Variants in FSIP2 observed in about 807,000 individuals in gnomAD.
The protein encoded by FSIP2 is fibrous sheath interacting protein 2.
FSIP2 carries 367 observed loss-of-function variants against 510.5 expected under a neutral mutation model. The ratio of observed to expected loss-of-function variants is 0.72; its 90% CI spans 0.66 to 0.78. The LOEUF (loss-of-function observed/expected upper bound fraction) is 0.78. Ranked by LOEUF, FSIP2 falls within the 30% of genes least tolerant of loss-of-function variation. The probability of loss-of-function intolerance (pLI) is 0.00; values close to 1 mark genes in which losing one functional copy is unlikely to be tolerated. For missense variants in FSIP2, 7,594 were observed against 7,901.7 expected (o/e 0.96, Z 1.48); for synonymous variants, 2,601 against 2,732.2 (o/e 0.95, Z 1.50).
intron 13 of FSIP2, chr2:185,765,736 G>T (rs1186864082): frequency 6.6e-6 from 1 of 151,938 alleles, no homozygotes; most frequent in African/African-American, 2.4e-5. Context: ...ACCTTGGGCA[G>T]TATGGCCATT....
chr2:185,797,716 A>G, intron 16 of FSIP2, 190 bp downstream of exon 16: 1 of 616,942 alleles, frequency 1.6e-6, no homozygotes, highest in Non-Finnish European at 2.9e-6. Flanking sequence ...ATTTAGAAAT[A>G]GTGTCTCTGT....
In FSIP2 at chr2:185,801,523, G is replaced by A. The variant is rs1447153079; in HGVS notation, c.12217G>A (p.Ala4073Thr). The A allele has an allele frequency of 1.3e-6, 2 of 1,532,990 alleles. No homozygotes were observed. Among genetic ancestry groups the A allele is most frequent in the Admixed American group, 2.0e-5 (1 of 50,834 alleles). The allele number at this position is 1,532,990 out of a possible 1,614,324, so 95.0% of individuals were successfully genotyped here. A position where few individuals can be genotyped will look rare whatever the true frequency, so the allele number is the denominator to read the frequency against. The stretch of plus-strand genomic sequence containing the variant: ...TGGTAATAATCCGGTATACGACAAT[G>A]CCTCAATAGCAGAACAAATAACAAA... ...ACGNNPVYDNASIAEQITNGI... is the reference protein window; with the variant it reads ...ACGNNPVYDNTSIAEQITNGI... The change falls in exon 17 of 23, where the codon GCC (alanine) becomes ACC (threonine). Residue 4073 changes from alanine (A) to threonine (T), a missense_variant. Physicochemically the swap from Ala to Thr is moderately conservative, Grantham distance 58 (BLOSUM62 0). Coordinates refer to ENST00000424728, the MANE Select transcript of FSIP2 (RefSeq NM_173651.4).
At chr2:185,788,366 A>G (rs1693037857) in intron 15 of FSIP2, among the ~76,000 whole-genome samples, 1 of 151,694 alleles carries the variant, frequency 6.6e-6, no homozygotes, top group Admixed American at 6.6e-5. Context: ...ATTTATACTG[A>G]TAATAAATGC....
At chr2:185,820,279 TGAA>T (rs1244759234) in intron 19 of FSIP2, among the ~76,000 whole-genome samples, 1 of 151,752 alleles carries the variant, frequency 6.6e-6, no homozygotes, top group East Asian at 2.0e-4. Flanking sequence ...TGCCACCTGG[TGAA>T]GAAGGATATG....
At position 185,801,611 on chromosome 2, in the gene FSIP2, C is replaced by T. The variant is rs534951831; in HGVS notation, c.12305C>T (p.Pro4102Leu). The T allele has an allele frequency of 7.8e-6, 12 of 1,532,728 alleles. No homozygotes were observed. In the Admixed American group the frequency reaches 2.0e-4, roughly 25 times the overall value. The allele number at this position is 1,532,728 out of a possible 1,614,324, so 94.9% of individuals were successfully genotyped here. The change falls in exon 17 of 23, where the codon CCC becomes CTC. Residue 4102 changes from proline (P) to leucine (L), a missense_variant. Coordinates refer to ENST00000424728, the MANE Select transcript of FSIP2 (RefSeq NM_173651.4). ...LPSCFKEHLI[P>L]HSYYPLKPEI... ...TCTTGCTTCAAGGAACATCTCATAC[C>T]CCATTCATATTACCCTCTCAAACCT...
In FSIP2 at chr2:185,795,565, C is replaced by A; in HGVS notation, c.8429C>A (p.Ser2810Tyr). The change falls in exon 16 of 23, where the codon TCC (serine) becomes TAC (tyrosine). Residue 2810 changes from serine to tyrosine, a missense_variant. Coordinates refer to ENST00000424728, the MANE Select transcript of FSIP2 (RefSeq NM_173651.4). ...RLSQGNIGTG[S>Y]LPKQQACFYL... ...TCACAGGGGAATATAGGCACAGGATCCCTTCCTAAACAACAAGCATGTTTT... is the reference window on the plus strand; with the variant it reads ...TCACAGGGGAATATAGGCACAGGATACCTTCCTAAACAACAAGCATGTTTT... 2 of 1,535,028 alleles carry A rather than the reference C, an allele frequency of 1.3e-6. No individual in the cohort carries two copies.
chr2:185,792,011 T>C lies in FSIP2; in HGVS notation c.4875T>C (p.Asn1625=). 18 of 1,533,982 alleles carry C rather than the reference T, an allele frequency of 1.2e-5. No individual in the cohort carries two copies. The highest frequency in any genetic ancestry group is 1.5e-5 in the Non-Finnish European group (17 of 1,145,418). ...NKIGWEYEST[N]ISRDTHEASF... ...TAGGCTGGGAATATGAAAGCACCAA[T>C]ATTTCCAGAGACACACATGAAGCAT... The change falls in exon 16 of 23, where the codon AAT becomes AAC. Residue 1625 remains asparagine (N), a synonymous_variant. Transcript: ENST00000424728.
chr2:185,756,491 CATTAT>C (rs1038770856), intron 9 of FSIP2, among the ~76,000 whole-genome samples: 1 of 151,330 alleles, frequency 6.6e-6, no homozygotes, highest in African/African-American at 2.4e-5. Flanking sequence ...TTGAACCTGA[CATTAT>C]ATTATTATTT....
intron 11 of FSIP2, 104 bp from the exon 12 acceptor site, chr2:185,763,079 G>A: frequency 1.6e-6 from 1 of 614,332 alleles, no homozygotes; most frequent in African/African-American, 1.8e-5. Context: ...AGTCACTGTG[G>A]CAGCTGAGCA....
chr2:185,821,945 C>A (rs1436770699), intron 19 of FSIP2, among the ~76,000 whole-genome samples: 3 of 146,992 alleles, frequency 2.0e-5, no homozygotes, highest in Non-Finnish European at 3.0e-5. Context: ...AAAAAAAAAT[C>A]GATGTAATAC....
intron 13 of FSIP2, among the ~76,000 whole-genome samples, chr2:185,768,438 T>C (rs1207154345): frequency 6.6e-6 from 1 of 152,152 alleles, no homozygotes; most frequent in African/African-American, 2.4e-5. Context: ...ATTTTTTGTA[T>C]ATGATGTGAG....
At position 185,833,244 on chromosome 2, in the gene FSIP2, T is replaced by A; in HGVS notation, c.*18T>A. The A allele has an allele frequency of 6.3e-7, 1 of 1,579,122 alleles. No homozygotes were observed. The highest frequency in any genetic ancestry group is 8.6e-7 in the Non-Finnish European group (1 of 1,162,528). On this transcript the variant is annotated 3_prime_UTR_variant, in exon 23 of 23. Transcript: ENST00000424728. ...AACACTGAAGCTTTTGTACCTGATA[T>A]AAGTATGCTTACTTCTTTTAGAAAA...
chr2:185,749,980 T>C (rs972890355), intron 7 of FSIP2, among the ~76,000 whole-genome samples: 10 of 151,832 alleles, frequency 6.6e-5, no homozygotes, highest in African/African-American at 2.4e-4. Context: ...GATTTTTGAA[T>C]GTTAAATGAA....
At chr2:185,739,149 G>A in intron 1 of FSIP2, 156 bp downstream of exon 1, 1 of 1,182,142 alleles carries the variant, frequency 8.5e-7, no homozygotes, top group Non-Finnish European at 1.1e-6. Context: ...GCGGTGGCTC[G>A]GACTGTACCG....
Position 185,800,964 on chromosome 2 carries a change from AG to A in FSIP2, c.11659del (p.Ala3887GlnfsTer6), listed in dbSNP as rs1693420591. 1.3e-6 allele frequency: 2 copies of A among 1,529,284 alleles called. No individual in the cohort carries two copies. Among genetic ancestry groups the A allele is most frequent in the Non-Finnish European group, 1.7e-6 (2 of 1,143,406 alleles). 94.7% of individuals were successfully genotyped at this position (1,529,284 alleles called of 1,614,324 possible). A position where few individuals can be genotyped will look rare whatever the true frequency, so the allele number is the denominator to read the frequency against. ...TREIQSSFIK[A>X]RKSELIELGQ... is the part of the protein sequence containing the mutation. ...GAGAAATACAGTCTAGTTTCATAAA[AG>A]CAAGAAAGTCAGAATTAATAGAATT... On this transcript the variant is annotated frameshift_variant, in exon 17 of 23. Coordinates refer to ENST00000424728, the MANE Select transcript of FSIP2 (RefSeq NM_173651.4). LOFTEE classifies it high-confidence loss of function.
intron 13 of FSIP2, among the ~76,000 whole-genome samples, chr2:185,775,291 G>T (rs1052275918): frequency 2.0e-5 from 3 of 150,246 alleles, no homozygotes; most frequent in African/African-American, 7.4e-5. Context: ...GGGTGAGATG[G>T]TATCTCATTG....
At chr2:185,809,891 A>T (rs184151749) in intron 17 of FSIP2, among the ~76,000 whole-genome samples, 1 of 152,040 alleles carries the variant, frequency 6.6e-6, no homozygotes, top group African/African-American at 2.4e-5. Flanking sequence ...TAATGTCCTT[A>T]TTACAAGGAA....
chr2:185,746,879 T>A, intron 6 of FSIP2, 69 bp downstream of exon 6: 1 of 1,116,132 alleles, frequency 9.0e-7, no homozygotes, highest in Admixed American at 2.8e-5. Context: ...TAAATAATTT[T>A]AACTGTACAT....
intron 13 of FSIP2, among the ~76,000 whole-genome samples, chr2:185,772,145 T>A (rs559476129): frequency 1.6e-4 from 24 of 152,276 alleles, no homozygotes; most frequent in African/African-American, 5.3e-4. Context: ...CTGTCTATAT[T>A]TCTATCAGCA....
Sources: gnomAD v4.1 joint callset for allele counts (sites outside exome capture counted in the v4.1 genomes callset) on GRCh38, gnomAD v4.1.1 for gene constraint, MANE v1.5 for transcripts, NCBI Gene and HGNC (gene_info 2026-07-23, HGNC 2026-07-21) for gene names.